Variants in SDAD1 observed in about 807,000 individuals in gnomAD.
SDAD1 encodes protein SDA1 homolog.
In SDAD1, 79 loss-of-function variants were observed where a neutral mutation model predicts 100.3. The ratio of observed to expected loss-of-function variants is 0.79; its 90% CI spans 0.66 to 0.95. SDAD1 has a LOEUF of 0.95. SDAD1 is among the 40% of genes least tolerant of loss of function. The pLI, the probability that SDAD1 is intolerant of heterozygous loss-of-function variation, is 0.00. For missense variants in SDAD1, 790 were observed against 810.9 expected (o/e 0.97, Z 0.31); for synonymous variants, 267 against 271.4 (o/e 0.98, Z 0.16).
chr4:75,982,282 A>G (rs951507262), intron 1 of SDAD1, among the ~76,000 whole-genome samples: 1 of 152,254 alleles, frequency 6.6e-6, no homozygotes, highest in Non-Finnish European at 1.5e-5. Context: ...AAGTTTAGGC[A>G]GCATGGTGTA....
At chr4:75,959,116 A>AAC (rs1560537776) in intron 17 of SDAD1, among the ~76,000 whole-genome samples, 3 of 145,370 alleles carry the variant, frequency 2.1e-5, no homozygotes, top group African/African-American at 7.9e-5. Flanking sequence ...AAAAAAAAAA[A>AAC]AAAAAAAAAA....
In SDAD1 at chr4:75,971,311, C is replaced by G. The variant is rs1281559830; in HGVS notation, c.813+46G>C. 3.1e-6 allele frequency: 4 copies of G among 1,301,956 alleles called. No individual in the cohort carries two copies. In the East Asian group the frequency reaches 6.9e-5, roughly 23 times the overall value. The allele number at this position is 1,301,956 out of a possible 1,614,324, so 80.7% of individuals were successfully genotyped here. ...AAGCTCTGGCTAACGACAACATATT[C>G]TTCACTCTAATCACTCCTATCTCAT... is the stretch of plus-strand genomic sequence containing the variant. On this transcript the variant is annotated intron_variant, in intron 9 of 21. Transcript: ENST00000356260.
intron 20 of SDAD1, among the ~76,000 whole-genome samples, chr4:75,956,519 A>T (rs569684865): frequency 1.3e-5 from 2 of 152,144 alleles, no homozygotes; most frequent in South Asian, 4.1e-4. Context: ...GAGAAAGGAC[A>T]CATGGAAGAC....
intron 11 of SDAD1, among the ~76,000 whole-genome samples, chr4:75,968,197 A>G (rs1178812401): frequency 1.3e-5 from 2 of 152,322 alleles, no homozygotes; most frequent in African/African-American, 4.8e-5. Flanking sequence ...CTCAGTCTGA[A>G]TGAAATTGCT....
intron 21 of SDAD1, among the ~76,000 whole-genome samples, 182 bp from the exon 22 acceptor site, chr4:75,950,979 G>C (rs1200228313): frequency 1.3e-5 from 2 of 152,086 alleles, no homozygotes; most frequent in Non-Finnish European, 2.9e-5. Context: ...ATTACTGCTA[G>C]GAAATATGCA....
Position 75,981,395 on chromosome 4 carries a change from C to T in SDAD1, c.271G>A (p.Val91Ile), listed in dbSNP as rs1443768159. The change falls in exon 3 of 22, where the codon GTA (valine) becomes ATA (isoleucine). Residue 91 changes from valine to isoleucine, a missense_variant. Physicochemically the swap from Val to Ile is conservative, Grantham distance 29 (BLOSUM62 3). Transcript: ENST00000356260. ...VKDLLSCNHTVLDPDLRMTFC... is the reference protein window; with the variant it reads ...VKDLLSCNHTILDPDLRMTFC... ...ACCATTCGCAGATCTGGATCCAATA[C>T]GGTATGATTGCAGGAGAGAAGATCT... 5 of 1,613,802 alleles carry T rather than the reference C, an allele frequency of 3.1e-6. No homozygotes were observed. The highest frequency in any genetic ancestry group is 3.4e-6 in the Non-Finnish European group (4 of 1,179,778).
chr4:75,976,125 C>T (rs1730147684), intron 4 of SDAD1, 130 bp from the exon 5 acceptor site: 1 of 601,560 alleles, frequency 1.7e-6, no homozygotes, highest in African/African-American at 1.9e-5. Context: ...CCAAAAGAAA[C>T]CCAAACCAAG....
chr4:75,973,412 A>G, intron 7 of SDAD1, 21 bp from the exon 8 acceptor site: 1 of 1,566,182 alleles, frequency 6.4e-7, no homozygotes. Context: ...ATGAGAAAAA[A>G]GTCAGCTACT....
chr4:75,969,708 A>C (rs573884378), intron 10 of SDAD1, among the ~76,000 whole-genome samples: 1 of 152,294 alleles, frequency 6.6e-6, no homozygotes, highest in South Asian at 2.1e-4. Flanking sequence ...GGAAATGCAG[A>C]AGCTCAGGCC....
At chr4:75,984,403 G>A (rs1730745117) in intron 1 of SDAD1, among the ~76,000 whole-genome samples, 1 of 152,108 alleles carries the variant, frequency 6.6e-6, no homozygotes, top group South Asian at 2.1e-4. Context: ...CTGGCCTCAA[G>A]TGATCCTCTC....
intron 3 of SDAD1, among the ~76,000 whole-genome samples, chr4:75,978,080 G>A (rs552825276): frequency 6.6e-5 from 10 of 152,040 alleles, no homozygotes; most frequent in African/African-American, 1.9e-4. Context: ...GTCATCATAC[G>A]GCAAAACCCT....
At chr4:75,958,305 A>T (rs546186924) in intron 17 of SDAD1, among the ~76,000 whole-genome samples, 1 of 152,340 alleles carries the variant, frequency 6.6e-6, no homozygotes, top group East Asian at 1.9e-4. Context: ...TGTTCTTTCA[A>T]CTAAACCAAC....
At chr4:75,989,870 T>C (rs1731134280) in intron 1 of SDAD1, among the ~76,000 whole-genome samples, 1 of 152,254 alleles carries the variant, frequency 6.6e-6, no homozygotes, top group East Asian at 1.9e-4. Flanking sequence ...TGTGAAAATT[T>C]AGGGGAGGAG....
At chr4:75,990,458 C>A (rs1731186508) in intron 1 of SDAD1, among the ~76,000 whole-genome samples, 1 of 152,188 alleles carries the variant, frequency 6.6e-6, no homozygotes, top group Non-Finnish European at 1.5e-5. Context: ...CCATTTCTCT[C>A]TCCACTTCCG....
chr4:75,974,221 C>A, intron 6 of SDAD1, 88 bp from the exon 7 acceptor site: 1 of 1,090,868 alleles, frequency 9.2e-7, no homozygotes, highest in Non-Finnish European at 1.4e-6. Context: ...AATGATATAA[C>A]AAATGTTTGT....
chr4:75,967,553 G>A (rs188761225), intron 11 of SDAD1, among the ~76,000 whole-genome samples: 1 of 152,250 alleles, frequency 6.6e-6, no homozygotes, highest in Non-Finnish European at 1.5e-5. Flanking sequence ...ATGTAAAGGA[G>A]GAAGCAAGTA....
intron 1 of SDAD1, among the ~76,000 whole-genome samples, chr4:75,990,455 T>G (rs1281171014): frequency 6.6e-6 from 1 of 152,188 alleles, no homozygotes; most frequent in Admixed American, 6.5e-5. Flanking sequence ...GGCCCATTTC[T>G]CTCTCCACTT....
intron 20 of SDAD1, 95 bp from the exon 21 acceptor site, chr4:75,956,231 C>T: frequency 1.5e-6 from 2 of 1,377,774 alleles, no homozygotes; most frequent in East Asian, 2.3e-5. Flanking sequence ...AGAAGCTCTA[C>T]TAGGTGCCAA....
rs1443487661 is a variant in SDAD1, at chr4:75,990,645, A to G, written c.90+107T>C. On this transcript the variant is annotated intron_variant, in intron 1 of 21. Transcript: ENST00000356260. ...CTGGAGGGACCCCTGAACCTAACAG[A>G]AGAATAGGCGGCGAGCCTGGATCCC... 5.0e-6 allele frequency: 8 copies of G among 1,600,914 alleles called. No individual in the cohort carries two copies. In the African/African-American group the frequency reaches 1.1e-4, roughly 21 times the overall value.
Sources: gnomAD v4.1 joint callset for allele counts (sites outside exome capture counted in the v4.1 genomes callset) on GRCh38, gnomAD v4.1.1 for gene constraint, MANE v1.5 for transcripts, NCBI Gene and HGNC (gene_info 2026-07-23, HGNC 2026-07-21) for gene names.